The following STRN4 variants were observed in gnomAD, a reference collection of about 807,000 sequenced individuals.
STRN4 encodes striatin-4.
STRN4 carries 27 observed loss-of-function variants against 77.9 expected under a neutral mutation model. The observed-to-expected ratio is 0.35, with a 90% CI of 0.26 to 0.48. The LOEUF (loss-of-function observed/expected upper bound fraction) is 0.48. STRN4 is among the 20% of genes least tolerant of loss of function. STRN4 has a pLI of 0.99. For synonymous variants in STRN4, 466 were observed against 443.1 expected, an observed-to-expected ratio of 1.05 and a Z score of -0.65; for missense variants, 798 against 1,049.7, an observed-to-expected ratio of 0.76 and a Z score of 3.31.
At chr19:46,720,477 A>G (rs942397095) in intron 17 of STRN4, 59 bp downstream of exon 17, 35 of 1,173,414 alleles carry the variant, frequency 3.0e-5, no homozygotes, top group Non-Finnish European at 3.7e-5. Flanking sequence ...GGCTCAGCAC[A>G]CCTGGCAGTA....
chr19:46,725,314 T>C lies in STRN4; in HGVS notation c.1472+18A>G, dbSNP rs1306206465. ...CATTTAGGACGAGTTTCTAGCAGGCTCAGGGGCACCTCCCTACCTGTGAGC... is the reference window on the plus strand; with the variant it reads ...CATTTAGGACGAGTTTCTAGCAGGCCCAGGGGCACCTCCCTACCTGTGAGC... On this transcript the variant is annotated intron_variant, in intron 11 of 17. Coordinates refer to ENST00000263280, the MANE Select transcript of STRN4 (RefSeq NM_013403.3). The C allele has an allele frequency of 3.1e-6, 5 of 1,613,990 alleles. No individual in the cohort carries two copies. In the African/African-American group the frequency reaches 4.0e-5, roughly 13 times the overall value.
At chr19:46,737,033 T>A in intron 3 of STRN4, 132 bp from the exon 4 acceptor site, 2 of 737,182 alleles carry the variant, frequency 2.7e-6, no homozygotes, top group South Asian at 1.8e-5. Context: ...TTCCTGAGTG[T>A]TGGAACCCTG....
At chr19:46,720,978 T>C (rs1343606073) in intron 16 of STRN4, 14 of 480,156 alleles carry the variant, frequency 2.9e-5, no homozygotes, top group Non-Finnish European at 6.9e-6. Context: ...TCCCCCAGCA[T>C]TTCTTGAGCA....
chr19:46,739,249 C>T (rs2054430232), intron 1 of STRN4: 3 of 303,818 alleles, frequency 9.9e-6, no homozygotes, highest in Admixed American at 8.0e-5. Context: ...CTACCCCTGA[C>T]GCCCTCTGGC....
intron 16 of STRN4, chr19:46,721,646 T>C: frequency 3.9e-6 from 1 of 259,140 alleles, no homozygotes; most frequent in South Asian, 4.6e-5. Context: ...AGCACAGAAG[T>C]CCCACGGGTA....
intron 1 of STRN4, among the ~76,000 whole-genome samples, chr19:46,739,901 T>C (rs2054442959): frequency 6.6e-6 from 1 of 152,210 alleles, no homozygotes; most frequent in South Asian, 2.1e-4. Context: ...TTTCATCATT[T>C]TTATTCTCCC....
chr19:46,724,164 C>G (rs568962062), intron 12 of STRN4, among the ~76,000 whole-genome samples: 1 of 146,874 alleles, frequency 6.8e-6, no homozygotes, highest in Admixed American at 7.0e-5. Context: ...ACGAGAATCA[C>G]TTGAACCCAG....
Position 46,730,822 on chromosome 19 carries a change from C to T in STRN4, c.789G>A (p.Gly263=), listed in dbSNP as rs758698895. 1.1e-5 allele frequency: 17 copies of T among 1,612,640 alleles called. No homozygotes were observed. Among genetic ancestry groups the T allele is most frequent in the Non-Finnish European group, 1.4e-5 (16 of 1,180,014 alleles). ...CGCAGTTCTGCAGGAAGGGGATCTG[C>T]CCCAGCACTGAGCCGCCCAAGCGCT... The part of the protein sequence containing the change: ...GKERLGGSVL[G]QIPFLQNCED... The change falls in exon 6 of 18, where the codon GGG becomes GGA. Residue 263 remains glycine, a synonymous_variant. Coordinates refer to ENST00000263280, the MANE Select transcript of STRN4 (RefSeq NM_013403.3).
At position 46,738,591 on chromosome 19, in the gene STRN4, A is replaced by G. The variant is rs147303940; in HGVS notation, c.386+194T>C. ...ACAGTGGGCCACTAGCATCGTGAAT[A>G]TCGTTCCTGGTGTCTAACCCAAATC... On this transcript the variant is annotated intron_variant, in intron 2 of 17. Transcript: ENST00000263280. The surrounding 1 kb of genome is among the most constrained non-coding windows in gnomAD (Gnocchi z 4.5). Among the ~76,000 whole-genome samples the G allele has an allele frequency of 2.9e-3, 434 of 152,228 alleles. 5 individuals are homozygous for G. Among genetic ancestry groups the G allele is most frequent in the African/African-American group, 9.8e-3 (407 of 41,520 alleles).
chr19:46,725,267 GAGC>G, intron 11 of STRN4, 62 bp downstream of exon 11: 1 of 1,609,420 alleles, frequency 6.2e-7, no homozygotes, highest in East Asian at 2.2e-5. Flanking sequence ...CGATGGCAGT[GAGC>G]AGGTCAGGAG....
chr19:46,728,775 G>A lies in STRN4; in HGVS notation c.882C>T (p.Leu294=). 6.2e-7 allele frequency: 1 copy of A among 1,614,044 alleles called. No homozygotes were observed. The highest frequency in any genetic ancestry group is 8.5e-7 in the Non-Finnish European group (1 of 1,179,908). The change falls in exon 7 of 18, where the codon CTC becomes CTT. Residue 294 remains leucine (L), a splice_region_variant and synonymous_variant. Transcript: ENST00000263280. ...SVQHKKQRVK[L]PSKALVPEME... ...TTTCGGGCACCAGAGCCTTGGATGGGAGCTGGCACATGGAGAAAGCCAGAC... is the reference window on the plus strand; with the variant it reads ...TTTCGGGCACCAGAGCCTTGGATGGAAGCTGGCACATGGAGAAAGCCAGAC...
In STRN4 at chr19:46,738,083, G is replaced by A; in HGVS notation, c.460+81C>T. ...CTTCTAAGGAGCAAAGTGAGAAAGA[G>A]GCACCCCATCTTCCTGCTTCTCCAG... is the stretch of plus-strand genomic sequence containing the variant. On this transcript the variant is annotated intron_variant, in intron 3 of 17. Transcript: ENST00000263280. This position sits in a 1 kb window ranked among gnomAD's most constrained non-coding sequence, Gnocchi z 4.5. 1 of 1,401,926 alleles carries A rather than the reference G, an allele frequency of 7.1e-7. No individual in the cohort carries two copies. The highest frequency in any genetic ancestry group is 1.2e-5 in the South Asian group (1 of 86,710). The allele number at this position is 1,401,926 out of a possible 1,614,324, so 86.8% of individuals were successfully genotyped here. A position where few individuals can be genotyped will look rare whatever the true frequency, so the allele number is the denominator to read the frequency against.
At chr19:46,744,472 C>T (rs1024560349) in intron 1 of STRN4, among the ~76,000 whole-genome samples, 1 of 152,146 alleles carries the variant, frequency 6.6e-6, no homozygotes, top group African/African-American at 2.4e-5. Flanking sequence ...CAGCCTCAAC[C>T]TCCGGGGTTT....
chr19:46,728,932 T>TCCA, intron 6 of STRN4, 155 bp from the exon 7 acceptor site: 1 of 1,103,650 alleles, frequency 9.1e-7, no homozygotes, highest in Non-Finnish European at 1.3e-6. Flanking sequence ...CGCCCCCTGC[T>TCCA]GGGCCTTGGA....
rs1229121484 is a variant in STRN4 at position 46,723,731 on chromosome 19, C to A, written c.1595-447G>T. ...TGGGCTTTGCCTGGTCTCTCCAAAGCCCCCTGGTCATTCAGAGGTCCAATC... is the reference window on the plus strand; with the variant it reads ...TGGGCTTTGCCTGGTCTCTCCAAAGACCCCTGGTCATTCAGAGGTCCAATC... On this transcript the variant is annotated intron_variant, in intron 12 of 17. Coordinates refer to ENST00000263280, the MANE Select transcript of STRN4 (RefSeq NM_013403.3). The surrounding 1 kb of genome is among the most constrained non-coding windows in gnomAD (Gnocchi z 5.5). Among the ~76,000 whole-genome samples, 1 of 152,164 alleles carries A rather than the reference C, an allele frequency of 6.6e-6. No homozygotes were observed. Among genetic ancestry groups the A allele is most frequent in the African/African-American group, 2.4e-5 (1 of 41,426 alleles).
At position 46,738,986 on chromosome 19, in the gene STRN4, C is replaced by A. The variant is rs368542283; in HGVS notation, c.283-98G>T. 1.3e-3 allele frequency: 1,306 copies of A among 1,014,418 alleles called. 12 individuals carry two copies. The highest frequency in any genetic ancestry group is 9.1e-3 in the South Asian group (695 of 76,068). 62.8% of individuals were successfully genotyped at this position (1,014,418 alleles called of 1,614,324 possible). A position where few individuals can be genotyped will look rare whatever the true frequency, so the allele number is the denominator to read the frequency against. On this transcript the variant is annotated intron_variant, in intron 1 of 17. Transcript: ENST00000263280. This position sits in a 1 kb window ranked among gnomAD's most constrained non-coding sequence, Gnocchi z 4.5. ...CAGGTATAGTGCCAGCCCACAGTCA[C>A]CCCACAGTAATGGGCAGCAGCCACT...
At chr19:46,731,912 A>G (rs1348452207) in intron 5 of STRN4, 6 of 152,198 alleles carry the variant, frequency 3.9e-5, no homozygotes, top group Admixed American at 2.0e-4. Context: ...AACTAGACCT[A>G]TGTTTAGGGG....
intron 8 of STRN4, 53 bp from the exon 9 acceptor site, chr19:46,727,599 G>A (rs2054148207): frequency 6.9e-7 from 1 of 1,457,954 alleles, no homozygotes; most frequent in Non-Finnish European, 9.6e-7. Flanking sequence ...GGGGCAGAGA[G>A]GGCCAGGGAG....
At position 46,723,080 on chromosome 19, in the gene STRN4, A is replaced by C. The variant is rs1427875926; in HGVS notation, c.1765+34T>G. 4 of 1,559,990 alleles carry C rather than the reference A, an allele frequency of 2.6e-6. No homozygotes were observed. In the African/African-American group the frequency reaches 5.4e-5, roughly 21 times the overall value. On this transcript the variant is annotated intron_variant, in intron 13 of 17. Coordinates refer to ENST00000263280, the MANE Select transcript of STRN4 (RefSeq NM_013403.3). The surrounding 1 kb of genome is among the most constrained non-coding windows in gnomAD (Gnocchi z 5.5). ...CTCTGATAGCCTCCAGATCCCGCACAGCTCCAGGGTGAGGCACCGGGGCCC... is the reference window on the plus strand; with the variant it reads ...CTCTGATAGCCTCCAGATCCCGCACCGCTCCAGGGTGAGGCACCGGGGCCC...
Sources: gnomAD v4.1 joint callset for allele counts (sites outside exome capture counted in the v4.1 genomes callset) on GRCh38, gnomAD v4.1.1 for gene constraint, Gnocchi (gnomAD v3.1) non-coding constraint, MANE v1.5 for transcripts, NCBI Gene and HGNC (gene_info 2026-07-23, HGNC 2026-07-21) for gene names.